The following MIDEAS variants were observed in gnomAD, a reference collection of about 807,000 sequenced individuals.
The protein encoded by MIDEAS is mitotic deacetylase associated SANT domain protein, also known as mitotic deacetylase-associated SANT domain protein.
A neutral mutation model predicts 102.7 loss-of-function variants in MIDEAS; 26 were observed. The observed-to-expected ratio is 0.25, with a 90% CI of 0.19 to 0.35. The LOEUF is 0.35. MIDEAS is among the 10% of genes least tolerant of loss of function. The pLI is 1.00. For missense variants in MIDEAS, 1,231 were observed against 1,435.6 expected (o/e 0.86, Z 2.30); for synonymous variants, 585 against 591.0 (o/e 0.99, Z 0.15).
In MIDEAS at chr14:73,739,232, CTGCTGCTGCTGCTGTGGT is replaced by C. The variant is rs754924219; in HGVS notation, c.759_776del (p.Pro254_Gln259del). 4.3e-6 allele frequency: 7 copies of C among 1,612,340 alleles called. No individual in the cohort carries two copies. The highest frequency in any genetic ancestry group is 3.3e-5 in the Admixed American group (2 of 59,958). On this transcript the variant is annotated inframe_deletion, in exon 2 of 13. Transcript: ENST00000423556. ...TCTGGGGTAGGGCTGCCTGCTGCTGCTGCTGCTGCTGCTGTGGTTGCTGCTGCTGCTGCTGCTTCTGTG... is the reference window on the plus strand; with the variant it reads ...TCTGGGGTAGGGCTGCCTGCTGCTGCTGCTGCTGCTGCTGCTGCTTCTGTG...
chr14:73,753,555 G>A (rs369452211), intron 1 of MIDEAS, among the ~76,000 whole-genome samples: 17 of 152,222 alleles, frequency 1.1e-4, no homozygotes, highest in Non-Finnish European at 1.9e-4. Flanking sequence ...CACAGGGTAC[G>A]CACTCAATAA....
chr14:73,718,855 G>A lies in MIDEAS; in HGVS notation c.3288C>T (p.Gly1096=), dbSNP rs1595247472. ...CTGGCTCCCGCGCTCAGCCCTTGTC[G>A]CCCGCACCGCTCTCCTCCCGCAGGG... ...QQALREESGA[G]DKG The change falls in exon 13 of 13, where the codon GGC becomes GGT. Residue 1096 remains glycine (G), a synonymous_variant. Transcript: ENST00000423556. The A allele has an allele frequency of 6.7e-6, 10 of 1,487,324 alleles. No individual in the cohort carries two copies. The highest frequency in any genetic ancestry group is 8.9e-6 in the Non-Finnish European group (10 of 1,126,296). The allele number at this position is 1,487,324 out of a possible 1,614,324, so 92.1% of individuals were successfully genotyped here.
At position 73,722,781 on chromosome 14, in the gene MIDEAS, C is replaced by G; in HGVS notation, c.2641G>C (p.Gly881Arg). Reference protein sequence around the residue: ...YYTYKKQVKIGRNGTLTFGDV... With the variant: ...YYTYKKQVKIRRNGTLTFGDV... ...CCAAAGGTTAGAGTCCCATTGCGGC[C>G]GATTTTCACCTGCTTCTTGTAGGTG... The change falls in exon 10 of 13, where the codon GGC (glycine) becomes CGC (arginine). Residue 881 changes from glycine (G) to arginine (R), a missense_variant. By Grantham distance (125) the Gly-to-Arg change is moderately radical (BLOSUM62 -2). Transcript: ENST00000423556. 1 of 1,614,190 alleles carries G rather than the reference C, an allele frequency of 6.2e-7. No homozygotes were observed. Among genetic ancestry groups the G allele is most frequent in the East Asian group, 2.2e-5 (1 of 44,882 alleles).
chr14:73,726,644 A>G lies in MIDEAS; in HGVS notation c.2369T>C (p.Leu790Pro). 6.2e-7 allele frequency: 1 copy of G among 1,614,226 alleles called. No individual in the cohort carries two copies. The highest frequency in any genetic ancestry group is 8.5e-7 in the Non-Finnish European group (1 of 1,180,032). The part of the protein sequence containing the change: ...IFPGAGTNQE[L>P]ALHCLHESRG... The stretch of plus-strand genomic sequence containing the variant: ...GGATTCGTGCAGACAGTGCAGGGCC[A>G]GCTCCTGGTTGGTGCCAGCACCAGG... The change falls in exon 7 of 13, where the codon CTG (leucine) becomes CCG (proline). Residue 790 changes from leucine (L) to proline (P), a missense_variant. By Grantham distance (98) the Leu-to-Pro change is moderately conservative. Transcript: ENST00000423556.
Position 73,725,253 on chromosome 14 carries a change from G to A in MIDEAS, c.2574+19C>T, listed in dbSNP as rs976353141. ...GCAGCTCCTGGCCCTCATTTGCCCT[G>A]AAACAGAGCCCAGCTCACCAGCTTC... On this transcript the variant is annotated intron_variant, in intron 9 of 12. Coordinates refer to ENST00000423556, the MANE Select transcript of MIDEAS (RefSeq NM_001367710.1). The surrounding 1 kb of genome is among the most constrained non-coding windows in gnomAD (Gnocchi z 4.1). 1 of 1,610,650 alleles carries A rather than the reference G, an allele frequency of 6.2e-7. No individual in the cohort carries two copies. Among genetic ancestry groups the A allele is most frequent in the Admixed American group, 1.7e-5 (1 of 60,006 alleles).
chr14:73,740,718 A>G (rs2053271437), intron 1 of MIDEAS, among the ~76,000 whole-genome samples: 1 of 152,174 alleles, frequency 6.6e-6, no homozygotes, highest in South Asian at 2.1e-4. Context: ...ACATCTGTCT[A>G]TGCAGGAGCC....
In MIDEAS at chr14:73,718,323, C is replaced by T. The variant is rs2052925152; in HGVS notation, c.*520G>A. ...GGGACAGCACAGGTGTCAGGCTGCG[C>T]CCCTTCTCAGAGAAGCCCGCAGACT... On this transcript the variant is annotated 3_prime_UTR_variant, in exon 13 of 13. Coordinates refer to ENST00000423556, the MANE Select transcript of MIDEAS (RefSeq NM_001367710.1). 6.6e-6 allele frequency: 1 copy of T among 152,566 alleles called. No homozygotes were observed. The allele number at this position is 152,566 out of a possible 1,614,324, so 9.5% of individuals were successfully genotyped here. A position where few individuals can be genotyped will look rare whatever the true frequency, so the allele number is the denominator to read the frequency against.
intron 1 of MIDEAS, chr14:73,758,920 T>C (rs1288999172): frequency 2.0e-5 from 3 of 153,336 alleles, no homozygotes; most frequent in Non-Finnish European, 4.4e-5. Flanking sequence ...TGGTCCTGCA[T>C]GTGCGACTTG....
At chr14:73,752,609 T>A (rs886350046) in intron 1 of MIDEAS, among the ~76,000 whole-genome samples, 1 of 152,036 alleles carries the variant, frequency 6.6e-6, no homozygotes, top group Non-Finnish European at 1.5e-5. Flanking sequence ...GGAGTCTCAG[T>A]GTGGCTGCCT....
intron 1 of MIDEAS, among the ~76,000 whole-genome samples, chr14:73,753,933 A>AC (rs72049335): frequency 0.17 from 25,684 of 151,990 alleles, 2,137 homozygotes; most frequent in Middle Eastern, 0.29. Flanking sequence ...ATGAGCCGCC[A>AC]CCTCCTGGAT....
At chr14:73,727,366 C>A in intron 5 of MIDEAS, 92 bp downstream of exon 5, 1 of 1,367,156 alleles carries the variant, frequency 7.3e-7, no homozygotes, top group East Asian at 2.3e-5. Flanking sequence ...GCAGGCCCCA[C>A]GGAACCCTCC....
At position 73,722,739 on chromosome 14, in the gene MIDEAS, C is replaced by A. The variant is rs35905570; in HGVS notation, c.2683G>T (p.Asp895Tyr). 1.9e-6 allele frequency: 3 copies of A among 1,614,188 alleles called. No homozygotes were observed. The highest frequency in any genetic ancestry group is 2.5e-6 in the Non-Finnish European group (3 of 1,180,018). The change falls in exon 10 of 13, where the codon GAT becomes TAT. Residue 895 changes from aspartate (D) to tyrosine (Y), a missense_variant. Around this residue, in one of 5 missense-constraint regions of MIDEAS, gnomAD observed 391 missense variants for 483.0 expected, o/e 0.81. Coordinates refer to ENST00000423556, the MANE Select transcript of MIDEAS (RefSeq NM_001367710.1). ...TLTFGDVDTSDEKSAQEEVEV... is the reference protein window; with the variant it reads ...TLTFGDVDTSYEKSAQEEVEV... The stretch of plus-strand genomic sequence containing the variant: ...ACCTCTTCCTGGGCCGACTTCTCAT[C>A]GCTCGTATCCACATCCCCAAAGGTT...
chr14:73,721,743 T>C, intron 10 of MIDEAS: 2 of 495,532 alleles, frequency 4.0e-6, no homozygotes, highest in South Asian at 2.7e-5. Flanking sequence ...GCAAGGAGGG[T>C]ACATACCAGT....
chr14:73,739,520 C>T lies in MIDEAS; in HGVS notation c.489G>A (p.Glu163=), dbSNP rs1432878875. The T allele has an allele frequency of 6.2e-7, 1 of 1,614,040 alleles. No individual in the cohort carries two copies. ...CCCCCGCTTTCTCCCGCTTCAGTGCCTCAGGGTGGTTATAGTAAGTCGGGA... is the reference window on the plus strand; with the variant it reads ...CCCCCGCTTTCTCCCGCTTCAGTGCTTCAGGGTGGTTATAGTAAGTCGGGA... ...VGVPTYYNHP[E]ALKREKAGGP... Residue 163 remains glutamate, a synonymous_variant, in exon 2 of 13, where the codon GAG becomes GAA. Transcript: ENST00000423556.
Position 73,718,689 on chromosome 14 carries a change from A to G in MIDEAS, c.*154T>C, listed in dbSNP as rs931366023. 2 of 767,352 alleles carry G rather than the reference A, an allele frequency of 2.6e-6. No homozygotes were observed. Among genetic ancestry groups the G allele is most frequent in the East Asian group, 3.5e-5 (1 of 28,494 alleles). 47.5% of individuals were successfully genotyped at this position (767,352 alleles called of 1,614,324 possible). On this transcript the variant is annotated 3_prime_UTR_variant, in exon 13 of 13. Transcript: ENST00000423556. Reference sequence around the variant, plus strand: ...CTGCTCCCAGGGCCTTCATAAATAAAAGAGCCGTTTATGTCATTGTCTCAT... The same window carrying G: ...CTGCTCCCAGGGCCTTCATAAATAAGAGAGCCGTTTATGTCATTGTCTCAT...
intron 1 of MIDEAS, among the ~76,000 whole-genome samples, chr14:73,786,157 G>C (rs1483635360): frequency 6.6e-6 from 1 of 152,142 alleles, no homozygotes; most frequent in Non-Finnish European, 1.5e-5. Context: ...ACACCAACGT[G>C]TCCCCGCCGC....
intron 1 of MIDEAS, among the ~76,000 whole-genome samples, chr14:73,769,627 A>T (rs962049276): frequency 6.7e-6 from 1 of 149,236 alleles, no homozygotes; most frequent in Non-Finnish European, 1.5e-5. Context: ...TTTGAGATGG[A>T]GTCTCACTCT....
chr14:73,772,946 C>A (rs1211480855), intron 1 of MIDEAS, among the ~76,000 whole-genome samples: 1 of 151,890 alleles, frequency 6.6e-6, no homozygotes, highest in African/African-American at 2.4e-5. Context: ...TCAAGTGATT[C>A]TCCTGCCTCA....
chr14:73,755,473 A>AGGTC (rs1332135030), intron 1 of MIDEAS, among the ~76,000 whole-genome samples: 1 of 152,246 alleles, frequency 6.6e-6, no homozygotes, highest in Non-Finnish European at 1.5e-5. Context: ...GCTCTACCCA[A>AGGTC]ACCTCCTGCG....
Sources: allele counts gnomAD v4.1 joint callset (sites outside exome capture counted in the v4.1 genomes callset), GRCh38; gene constraint gnomAD v4.1.1; regional missense constraint gnomAD v4.1.1; non-coding constraint Gnocchi (gnomAD v3.1); transcripts MANE v1.5; gene names NCBI Gene and HGNC (gene_info 2026-07-23, HGNC 2026-07-21).